Variants in TGM4 observed in about 807,000 individuals in gnomAD.
The protein encoded by TGM4 is transglutaminase 4, also known as protein-glutamine gamma-glutamyltransferase 4.
In TGM4, 61 loss-of-function variants were observed where a neutral mutation model predicts 76.3. The ratio of observed to expected loss-of-function variants is 0.80; its 90% CI spans 0.65 to 0.99. TGM4 has a LOEUF of 0.99. Among genes scored for constraint, TGM4 ranks in the 50% least tolerant of loss-of-function variants. The probability of loss-of-function intolerance (pLI) is 0.00; values close to 1 mark genes in which losing one functional copy is unlikely to be tolerated. For missense variants in TGM4, 794 were observed against 843.2 expected (o/e 0.94, Z 0.72); for synonymous variants, 337 against 329.8 (o/e 1.02, Z -0.24).
intron 5 of TGM4, among the ~76,000 whole-genome samples, chr3:44,896,407 G>A (rs374725951): frequency 3.0e-4 from 45 of 152,196 alleles, no homozygotes; most frequent in East Asian, 1.9e-4. Flanking sequence ...CACCGCACCC[G>A]GCCTGTTTCA....
intron 6 of TGM4, among the ~76,000 whole-genome samples, chr3:44,900,295 C>T (rs141214000): frequency 7.2e-5 from 11 of 152,330 alleles, no homozygotes; most frequent in South Asian, 6.2e-4. Flanking sequence ...GAGGTATTTC[C>T]TGCTTTGCCT....
intron 5 of TGM4, among the ~76,000 whole-genome samples, chr3:44,895,637 T>TA (rs935573458): frequency 6.6e-6 from 1 of 151,838 alleles, no homozygotes; most frequent in Non-Finnish European, 1.5e-5. Flanking sequence ...CTCAAAAAAA[T>TA]AAAAAATAAA....
Position 44,901,785 on chromosome 3 carries a change from C to A in TGM4, c.833-8C>A. On this transcript the variant is annotated splice_region_variant and splice_polypyrimidine_tract_variant and intron_variant, in intron 7 of 13. Transcript: ENST00000296125. ...AGTTGCCAACCACCCCACCCTGGAT[C>A]ATTTCAGTGCTGAGAGCGTTGGGCA... The A allele has an allele frequency of 6.2e-7, 1 of 1,614,012 alleles. No homozygotes were observed. Among genetic ancestry groups the A allele is most frequent in the Non-Finnish European group, 8.5e-7 (1 of 1,179,932 alleles).
chr3:44,907,342 G>A, intron 10 of TGM4, 142 bp downstream of exon 10: 2 of 1,099,350 alleles, frequency 1.8e-6, no homozygotes, highest in Non-Finnish European at 2.5e-6. Flanking sequence ...AATTAGCTGG[G>A]TGTGGTGGCA....
intron 1 of TGM4, among the ~76,000 whole-genome samples, chr3:44,875,282 C>T (rs1699436577): frequency 6.6e-6 from 1 of 152,202 alleles, no homozygotes; most frequent in Non-Finnish European, 1.5e-5. Flanking sequence ...TCTTCGGTCT[C>T]CTTTGTCTGG....
Position 44,893,610 on chromosome 3 carries a change from G to A in TGM4, c.464G>A (p.Arg155His), listed in dbSNP as rs147559877. The A allele has an allele frequency of 3.3e-5, 53 of 1,613,836 alleles. No homozygotes were observed. The highest frequency in any genetic ancestry group is 2.5e-4 in the African/African-American group (19 of 74,990). Reference protein sequence around the residue: ...DMVFMPDEDERKEYILNDTGC... With the variant: ...DMVFMPDEDEHKEYILNDTGC... ...GTTTTCATGCCTGATGAGGACGAGC[G>A]CAAAGAGTACATCCTCAATGACACG... is the stretch of plus-strand genomic sequence containing the variant. The change falls in exon 5 of 14, where the codon CGC becomes CAC. Residue 155 changes from arginine to histidine, a missense_variant. Arg to His is a conservative substitution (Grantham distance 29). Transcript: ENST00000296125.
intron 6 of TGM4, among the ~76,000 whole-genome samples, chr3:44,899,854 A>C (rs536583371): frequency 6.6e-6 from 1 of 152,358 alleles, no homozygotes; most frequent in South Asian, 2.1e-4. Context: ...AGGGCAGCTC[A>C]TAGCATGGCA....
chr3:44,902,292 T>TG (rs1253101791), intron 8 of TGM4, among the ~76,000 whole-genome samples: 7 of 152,172 alleles, frequency 4.6e-5, no homozygotes, highest in African/African-American at 1.7e-4. Flanking sequence ...TGGAATCACC[T>TG]GGGGGTGATT....
intron 2 of TGM4, 142 bp downstream of exon 2, chr3:44,885,640 A>C: frequency 1.1e-6 from 1 of 880,610 alleles, no homozygotes. Context: ...GTAATGTGGG[A>C]ATAATAGCGG....
At chr3:44,878,449 T>TTTATTATTATTATTA (rs199498412) in intron 1 of TGM4, among the ~76,000 whole-genome samples, 1 of 75,472 alleles carries the variant, frequency 1.3e-5, no homozygotes, top group African/African-American at 5.2e-5. Flanking sequence ...TTACTTTTGT[T>TTTATTATTATTATTA]TTATTATTAT....
rs1252284609 is a variant in TGM4 at position 44,910,089 on chromosome 3, G to T, written c.1328-1G>T. 1.2e-6 allele frequency: 2 copies of T among 1,611,946 alleles called. No individual in the cohort carries two copies. The highest frequency in any genetic ancestry group is 2.7e-5 in the African/African-American group (2 of 74,808). On this transcript the variant is annotated splice_acceptor_variant, in intron 10 of 13. Transcript: ENST00000296125. LOFTEE classifies it high-confidence loss of function. ...GGAAGCTGCCTTTGTGTCTCTTTCA[G>T]GCTCCTCTGAGGAGAGGCAGGTCAT...
Position 44,885,333 on chromosome 3 carries a change from G to C in TGM4, c.28G>C (p.Val10Leu), listed in dbSNP as rs761414312. MMDASKELQVLHIDFLNQDN... is the reference protein window; with the variant it reads MMDASKELQLLHIDFLNQDN... ...TGCTGCGTTGCTGACAGAGCTGCAA[G>C]TTCTCCACATTGACTTCTTGAATCA... is the stretch of plus-strand genomic sequence containing the variant. The change falls in exon 2 of 14, where the codon GTT becomes CTT. Residue 10 changes from valine to leucine, a missense_variant. Physicochemically the swap from Val to Leu is conservative, Grantham distance 32 (BLOSUM62 1). Transcript: ENST00000296125. 6 of 1,606,484 alleles carry C rather than the reference G, an allele frequency of 3.7e-6. No individual in the cohort carries two copies. In the African/African-American group the frequency reaches 8.0e-5, roughly 21 times the overall value.
Position 44,913,855 on chromosome 3 carries a change from G to C in TGM4, c.*130G>C. ...GATTCAAGAGCCAGCAGGTCAAAAA[G>C]GCCAACACAACCATAAGCAGCCAGA... On this transcript the variant is annotated 3_prime_UTR_variant, in exon 14 of 14. Transcript: ENST00000296125. 1.5e-6 allele frequency: 2 copies of C among 1,318,674 alleles called. No homozygotes were observed. The highest frequency in any genetic ancestry group is 4.7e-5 in the East Asian group (2 of 42,422). 81.7% of individuals were successfully genotyped at this position (1,318,674 alleles called of 1,614,324 possible).
intron 9 of TGM4, among the ~76,000 whole-genome samples, chr3:44,905,302 T>TG (rs1699907631): frequency 6.6e-6 from 1 of 151,426 alleles, no homozygotes; most frequent in Non-Finnish European, 1.5e-5. Context: ...TTTTTTTTTT[T>TG]TGAAAAAAGC....
At chr3:44,910,025 G>A (rs1232314495) in intron 10 of TGM4, 65 bp from the exon 11 acceptor site, 10 of 1,558,748 alleles carry the variant, frequency 6.4e-6, no homozygotes, top group South Asian at 3.7e-5. Context: ...TCTGCCACAC[G>A]GGTGGTTGGG....
Position 44,901,824 on chromosome 3 carries a change from T to A in TGM4, c.864T>A (p.Ser288Arg), listed in dbSNP as rs990251599. The A allele has an allele frequency of 1.2e-6, 2 of 1,614,072 alleles. No individual in the cohort carries two copies. The highest frequency in any genetic ancestry group is 1.7e-6 in the Non-Finnish European group (2 of 1,179,968). The change falls in exon 8 of 14, where the codon AGT (serine) becomes AGA (arginine). Residue 288 changes from serine (S) to arginine (R), a missense_variant. Transcript: ENST00000296125. ...VLRALGIPAR[S>R]VTGFDSAHDT... is the part of the protein sequence containing the mutation. ...GAGCGTTGGGCATCCCAGCACGCAG[T>A]GTGACAGGCTTCGATTCAGCTCACG... is the stretch of plus-strand genomic sequence containing the variant.
chr3:44,878,925 A>G (rs1337278693), intron 1 of TGM4, among the ~76,000 whole-genome samples: 1 of 152,116 alleles, frequency 6.6e-6, no homozygotes. Flanking sequence ...ACTATAGTAT[A>G]TAGTTTAGCC....
At chr3:44,875,264 G>T (rs181890697) in intron 1 of TGM4, among the ~76,000 whole-genome samples, 9 of 152,310 alleles carry the variant, frequency 5.9e-5, no homozygotes, top group Admixed American at 5.9e-4. Flanking sequence ...GCATTCCGTT[G>T]TTGTGCCTCT....
At chr3:44,893,756 G>C in intron 5 of TGM4, 61 bp downstream of exon 5, 2 of 1,411,440 alleles carry the variant, frequency 1.4e-6, no homozygotes, top group Admixed American at 3.4e-5. Context: ...CCTTTTAGCT[G>C]GGTAGTAGTC....
Sources: allele counts gnomAD v4.1 joint callset (sites outside exome capture counted in the v4.1 genomes callset), GRCh38; gene constraint gnomAD v4.1.1; transcripts MANE v1.5; gene names NCBI Gene and HGNC (gene_info 2026-07-23, HGNC 2026-07-21).